The following ART3 variants were observed in gnomAD, a reference collection of about 807,000 sequenced individuals.
ART3 encodes ADP-ribosyltransferase 3 (inactive).
In ART3, 49 loss-of-function variants were observed where a neutral mutation model predicts 48.5. The ratio of observed to expected loss-of-function variants is 1.01; its 90% CI spans 0.80 to 1.28. ART3 has a LOEUF of 1.28. Ranked by LOEUF, ART3 falls within the 50% of genes most tolerant of loss-of-function variation. The probability of loss-of-function intolerance (pLI) is 0.00; values close to 1 mark genes in which losing one functional copy is unlikely to be tolerated. For synonymous variants in ART3, 145 were observed against 157.2 expected, an observed-to-expected ratio of 0.92 and a Z score of 0.58; for missense variants, 438 against 454.3, an observed-to-expected ratio of 0.96 and a Z score of 0.33.
At position 76,105,570 on chromosome 4, in the gene ART3, T is replaced by C. The variant is rs905753609; in HGVS notation, c.1003+941T>C. On this transcript the variant is annotated intron_variant, in intron 10 of 11. Transcript: ENST00000355810. ...GAAAAACCTGGTAATATATTCTTTATTGGGGGTGGAGGCACCATGGATTCT... is the reference window on the plus strand; with the variant it reads ...GAAAAACCTGGTAATATATTCTTTACTGGGGGTGGAGGCACCATGGATTCT... 9.3e-6 allele frequency: 12 copies of C among 1,288,178 alleles called. No homozygotes were observed. In the East Asian group the frequency reaches 4.4e-4, roughly 48 times the overall value. 79.8% of individuals were successfully genotyped at this position (1,288,178 alleles called of 1,614,324 possible).
chr4:76,071,988 C>T (rs1346777213), upstream of ART3, among the ~76,000 whole-genome samples: 1 of 152,156 alleles, frequency 6.6e-6, no homozygotes, highest in African/African-American at 2.4e-5. Context: ...ACCATCATAG[C>T]TCACTGTAAT....
chr4:76,057,005 C>T (rs1718756674), intron 1 of ART3, among the ~76,000 whole-genome samples: 1 of 152,054 alleles, frequency 6.6e-6, no homozygotes, highest in African/African-American at 2.4e-5. Context: ...ATAATAGTGA[C>T]ACTTTTGAAG....
At chr4:76,079,883 CTCTG>C (rs1400450171) in intron 2 of ART3, among the ~76,000 whole-genome samples, 18 of 151,282 alleles carry the variant, frequency 1.2e-4, no homozygotes, top group African/African-American at 3.4e-4. Flanking sequence ...GTCTCTCTCT[CTCTG>C]TCTCTCTCTC....
intron 3 of ART3, among the ~76,000 whole-genome samples, chr4:76,086,759 C>T (rs17001357): frequency 0.37 from 55,871 of 152,018 alleles, 10,382 homozygotes; most frequent in East Asian, 0.43. Context: ...CTCATTCTCA[C>T]CAACCATACA....
chr4:76,075,927 T>A lies in ART3; in HGVS notation c.38T>A (p.Leu13Gln). ...CATTTTGAAATAGTCACCATGCTGC[T>A]GGCAACCATGATTCTAGTGGACATT... Reference protein sequence around the residue: ...TGHFEIVTMLLATMILVDIFQ... With the variant: ...TGHFEIVTMLQATMILVDIFQ... The change falls in exon 2 of 12, where the codon CTG becomes CAG. Residue 13 changes from leucine to glutamine, a missense_variant. Leu to Gln is a moderately radical substitution (Grantham distance 113). This residue lies in a region of ART3 where 206 missense variants were observed against 205.3 expected (regional missense o/e 1.00). Coordinates refer to ENST00000355810, the MANE Select transcript of ART3 (RefSeq NM_001130016.3). The A allele has an allele frequency of 6.2e-7, 1 of 1,612,882 alleles. No homozygotes were observed. The highest frequency in any genetic ancestry group is 8.5e-7 in the Non-Finnish European group (1 of 1,179,442).
intron 1 of ART3, among the ~76,000 whole-genome samples, chr4:76,050,898 G>A (rs926688203): frequency 2.0e-5 from 3 of 152,354 alleles, no homozygotes; most frequent in South Asian, 2.1e-4. Context: ...CTGCTAGCCC[G>A]GGTGCTAAGC....
At chr4:76,090,254 G>A (rs984425654) in intron 3 of ART3, among the ~76,000 whole-genome samples, 8 of 152,212 alleles carry the variant, frequency 5.3e-5, no homozygotes, top group Non-Finnish European at 1.2e-4. Flanking sequence ...TGACAGTGGA[G>A]CTTTCGAGAG....
chr4:76,086,375 A>G (rs1723578794), intron 3 of ART3, among the ~76,000 whole-genome samples: 1 of 152,194 alleles, frequency 6.6e-6, no homozygotes, highest in Non-Finnish European at 1.5e-5. Context: ...TAAGCCAGAC[A>G]CAGAAAGCTA....
At chr4:76,064,834 AT>A (rs5859490) in intron 1 of ART3, among the ~76,000 whole-genome samples, 3,851 of 146,082 alleles carry the variant, frequency 0.026, 145 homozygotes, top group African/African-American at 0.087. Context: ...TATTGAGTAA[AT>A]TTTTTTTTTT....
chr4:76,091,828 T>C (rs1724974365), intron 3 of ART3, among the ~76,000 whole-genome samples: 2 of 152,000 alleles, frequency 1.3e-5, no homozygotes, highest in South Asian at 2.1e-4. Context: ...ACTACAGGCA[T>C]GTGCCATCAC....
intron 1 of ART3, among the ~76,000 whole-genome samples, chr4:76,066,593 T>G (rs12509593): frequency 0.59 from 89,034 of 151,822 alleles, 26,968 homozygotes; most frequent in East Asian, 0.94. Flanking sequence ...TCATCCCATC[T>G]TCTGCTCAGC....
At chr4:76,049,177 G>A (rs1735794246) in intron 1 of ART3, among the ~76,000 whole-genome samples, 1 of 151,936 alleles carries the variant, frequency 6.6e-6, no homozygotes, top group Non-Finnish European at 1.5e-5. Context: ...GAAGGTAACA[G>A]AGTCCTGGAG....
intron 1 of ART3, among the ~76,000 whole-genome samples, chr4:76,014,432 C>A (rs1732077165): frequency 6.6e-6 from 1 of 152,052 alleles, no homozygotes. Flanking sequence ...GGTTCAACAG[C>A]AGTTTTGAGC....
At chr4:76,025,661 C>T (rs2149383298) in intron 1 of ART3, among the ~76,000 whole-genome samples, 1 of 152,216 alleles carries the variant, frequency 6.6e-6, no homozygotes, top group African/African-American at 2.4e-5. Context: ...TGAGTATATA[C>T]TCTTTTGTGC....
At chr4:76,100,850 G>T in intron 7 of ART3, 26 bp downstream of exon 7, 1 of 1,609,568 alleles carries the variant, frequency 6.2e-7, no homozygotes, top group South Asian at 1.1e-5. Flanking sequence ...TAAATTCTGG[G>T]GGCTTACATT....
chr4:76,068,433 A>C (rs1719956198), intron 1 of ART3, among the ~76,000 whole-genome samples: 1 of 152,228 alleles, frequency 6.6e-6, no homozygotes, highest in Non-Finnish European at 1.5e-5. Context: ...ATACCATGTA[A>C]TACTATGCAG....
At chr4:76,089,509 T>C (rs935587958) in intron 3 of ART3, among the ~76,000 whole-genome samples, 1 of 152,158 alleles carries the variant, frequency 6.6e-6, no homozygotes, top group Non-Finnish European at 1.5e-5. Context: ...ACGAGCCTGC[T>C]TCCCCTTCAC....
chr4:76,046,421 T>G (rs1735506609), intron 1 of ART3, among the ~76,000 whole-genome samples: 1 of 152,048 alleles, frequency 6.6e-6, no homozygotes, highest in Non-Finnish European at 1.5e-5. Context: ...ACTGTTCGGT[T>G]TTTGTACTCC....
intron 6 of ART3, among the ~76,000 whole-genome samples, 163 bp from the exon 7 acceptor site, chr4:76,100,629 CAAA>C (rs71659303): frequency 1.1e-5 from 1 of 88,012 alleles, no homozygotes; most frequent in East Asian, 2.9e-4. Context: ...GGCTCCGTCT[CAAA>C]AAAAAAAAAA....
Sources: allele counts gnomAD v4.1 joint callset (sites outside exome capture counted in the v4.1 genomes callset), GRCh38; gene constraint gnomAD v4.1.1; regional missense constraint gnomAD v4.1.1; transcripts MANE v1.5; gene names NCBI Gene and HGNC (gene_info 2026-07-23, HGNC 2026-07-21).